The following IQANK1 variants were observed in gnomAD, a reference collection of about 807,000 sequenced individuals.
The protein encoded by IQANK1 is IQ motif and ankyrin repeat domain-containing protein 1.
IQANK1 carries 30 observed loss-of-function variants against 22.6 expected under a neutral mutation model. The observed-to-expected ratio is 1.33, with a 90% CI of 0.99 to 1.80. The LOEUF is 1.80. Among genes scored for constraint, IQANK1 ranks in the 40% most tolerant of loss-of-function variants. The pLI is 0.00. For synonymous variants in IQANK1, 122 were observed against 99.6 expected (o/e 1.23, Z -1.34); for missense variants, 275 against 235.2 (o/e 1.17, Z -1.11).
rs150669015 is a variant in IQANK1 at position 143,770,320 on chromosome 8, C to T, written c.176-1168C>T. 9.7e-3 allele frequency among the ~76,000 whole-genome samples: 1,474 copies of T among 152,314 alleles called. 27 individuals are homozygous for T. Among genetic ancestry groups the T allele is most frequent in the African/African-American group, 0.033 (1,384 of 41,550 alleles). On this transcript the variant is annotated intron_variant, in intron 3 of 13. Coordinates refer to ENST00000527139, the MANE Select transcript of IQANK1 (RefSeq NM_001381874.1). ...TTTTATCTTGAGTGTTTGCTCTTTG[C>T]TTGCATTGTCAGTCTCTGCATCCTA...
intron 3 of IQANK1, among the ~76,000 whole-genome samples, chr8:143,752,606 G>C (rs1819215584): frequency 6.6e-6 from 1 of 151,956 alleles, no homozygotes; most frequent in Non-Finnish European, 1.5e-5. Flanking sequence ...ATATGATGGT[G>C]GTCCTCAAAG....
chr8:143,750,855 G>C (rs1554627945), intron 3 of IQANK1, among the ~76,000 whole-genome samples: 1 of 152,030 alleles, frequency 6.6e-6, no homozygotes, highest in Admixed American at 6.6e-5. Context: ...TTACTGACAA[G>C]AAAGGACCTA....
At chr8:143,772,920 C>T (rs1485361168) in intron 7 of IQANK1, among the ~76,000 whole-genome samples, 2 of 152,218 alleles carry the variant, frequency 1.3e-5, no homozygotes, top group East Asian at 1.9e-4. Context: ...GGTCCCCTCA[C>T]TGTCAGTACG....
chr8:143,752,634 T>C (rs1819215960), intron 3 of IQANK1, among the ~76,000 whole-genome samples: 1 of 152,232 alleles, frequency 6.6e-6, no homozygotes, highest in Admixed American at 6.5e-5. Flanking sequence ...TACTGTATTT[T>C]TACTGTACTT....
At chr8:143,767,353 T>C (rs1431287107) in intron 3 of IQANK1, among the ~76,000 whole-genome samples, 1 of 152,234 alleles carries the variant, frequency 6.6e-6, no homozygotes, top group East Asian at 1.9e-4. Context: ...TGAGTGTGTG[T>C]GTGTGTGTTT....
chr8:143,781,193 A>G (rs28837446), intron 7 of IQANK1, among the ~76,000 whole-genome samples: 6,970 of 152,108 alleles, frequency 0.046, 562 homozygotes, highest in African/African-American at 0.16. Context: ...GTAAGTTTGT[A>G]TAAGATCCTT....
At chr8:143,749,728 A>G (rs1465430752) in intron 3 of IQANK1, among the ~76,000 whole-genome samples, 1 of 147,344 alleles carries the variant, frequency 6.8e-6, no homozygotes, top group Non-Finnish European at 1.5e-5. Context: ...ATGCCTGGCT[A>G]ATTTTTGTGT....
chr8:143,772,217 G>A lies in IQANK1; in HGVS notation c.637G>A (p.Glu213Lys), dbSNP rs1005182485. ...GQPLAIQLRAELGASPNSKGA... is the reference protein window; with the variant it reads ...GQPLAIQLRAKLGASPNSKGA... The stretch of plus-strand genomic sequence containing the variant: ...GCCCCTGGCCATCCAGCTGCGGGCC[G>A]AGCTCGGCGCCAGCCCCAACAGCAA... The change falls in exon 6 of 14, where the codon GAG becomes AAG. Residue 213 changes from glutamate to lysine, a missense_variant. Physicochemically the swap from Glu to Lys is moderately conservative, Grantham distance 56 (BLOSUM62 1). Transcript: ENST00000527139. 1.4e-4 allele frequency: 57 copies of A among 394,788 alleles called. No individual in the cohort carries two copies. The highest frequency in any genetic ancestry group is 2.1e-4 in the Non-Finnish European group (46 of 223,680). The allele number at this position is 394,788 out of a possible 1,614,324, so 24.5% of individuals were successfully genotyped here. A position where few individuals can be genotyped will look rare whatever the true frequency, so the allele number is the denominator to read the frequency against.
chr8:143,769,483 C>G (rs1356936508), intron 3 of IQANK1, among the ~76,000 whole-genome samples: 3 of 152,194 alleles, frequency 2.0e-5, no homozygotes, highest in Non-Finnish European at 4.4e-5. Context: ...AAGGCCACTG[C>G]GCTTGGCCTA....
chr8:143,767,128 G>A (rs531995196), intron 3 of IQANK1, among the ~76,000 whole-genome samples: 2 of 152,332 alleles, frequency 1.3e-5, no homozygotes, highest in African/African-American at 4.8e-5. Flanking sequence ...GCCATTCTTG[G>A]CTCTTTCGCA....
chr8:143,739,972 C>A (rs1554626244), intron 3 of IQANK1, 24 bp downstream of exon 3: 5 of 680,386 alleles, frequency 7.3e-6, no homozygotes, highest in Admixed American at 6.3e-5. Context: ...CGTCCCGCGC[C>A]GCTGTGGGTG....
rs1421784047 is a variant in IQANK1 at position 143,753,608 on chromosome 8, CAT to C, written c.175+13662_175+13663del. ...AGCTGAGATTACAGGTACCCTCCAC[CAT>C]ACCTGGCTAATTTTTGTATTTTTAG... On this transcript the variant is annotated intron_variant, in intron 3 of 13. Transcript: ENST00000527139. Among the ~76,000 whole-genome samples the C allele has an allele frequency of 7.9e-4, 120 of 152,196 alleles. 1 individual carries two copies. The highest frequency in any genetic ancestry group is 2.8e-3 in the African/African-American group (116 of 41,528).
chr8:143,778,735 C>T (rs767756662), intron 7 of IQANK1, among the ~76,000 whole-genome samples: 2 of 152,156 alleles, frequency 1.3e-5, no homozygotes, highest in Non-Finnish European at 2.9e-5. Context: ...TTTGCGCTTT[C>T]GCCAATTCAT....
chr8:143,752,559 G>GC (rs1345423288), intron 3 of IQANK1, among the ~76,000 whole-genome samples: 1 of 152,140 alleles, frequency 6.6e-6, no homozygotes. Context: ...ATAGTCATAA[G>GC]CTGCATAATG....
intron 3 of IQANK1, among the ~76,000 whole-genome samples, chr8:143,747,223 T>C (rs1406546716): frequency 6.6e-6 from 1 of 152,194 alleles, no homozygotes; most frequent in Non-Finnish European, 1.5e-5. Context: ...TTCCCACTTT[T>C]ATTTCTGGTC....
At chr8:143,734,941 C>T (rs997824339) in intron 1 of IQANK1, among the ~76,000 whole-genome samples, 3 of 151,998 alleles carry the variant, frequency 2.0e-5, no homozygotes, top group Non-Finnish European at 4.4e-5. Flanking sequence ...TTAGGCCCTG[C>T]CCTACACTGG....
intron 3 of IQANK1, among the ~76,000 whole-genome samples, chr8:143,755,391 G>A (rs1297349807): frequency 6.6e-6 from 1 of 152,184 alleles, no homozygotes; most frequent in African/African-American, 2.4e-5. Flanking sequence ...TTAAGACGGA[G>A]TCTTGCTCTG....
intron 7 of IQANK1, among the ~76,000 whole-genome samples, chr8:143,780,821 T>C (rs1554630871): frequency 1.3e-5 from 2 of 152,244 alleles, no homozygotes; most frequent in African/African-American, 4.8e-5. Flanking sequence ...CACTGCTTTA[T>C]ATTCCTCTGG....
intron 7 of IQANK1, among the ~76,000 whole-genome samples, chr8:143,788,249 G>C (rs187753615): frequency 6.6e-6 from 1 of 152,220 alleles, no homozygotes; most frequent in Admixed American, 6.5e-5. Flanking sequence ...GCCACCAGGC[G>C]CATGTGGACC....
Sources: allele counts gnomAD v4.1 joint callset (sites outside exome capture counted in the v4.1 genomes callset), GRCh38; gene constraint gnomAD v4.1.1; transcripts MANE v1.5; gene names NCBI Gene and HGNC (gene_info 2026-07-23, HGNC 2026-07-21).